The following NRG1 variants were observed in gnomAD, a reference collection of about 807,000 sequenced individuals.
NRG1 encodes the protein neuregulin 1.
Under a neutral mutation model 63.8 loss-of-function variants are expected in NRG1, and 18 were observed. That is an observed-to-expected ratio of 0.28 (90% CI 0.19 to 0.42). The LOEUF is 0.42. NRG1 is among the 10% of genes least tolerant of loss of function. NRG1 has a pLI of 1.00. For synonymous variants in NRG1, 302 were observed against 301.3 expected, an observed-to-expected ratio of 1.00 and a Z score of -0.02; for missense variants, 762 against 814.7, an observed-to-expected ratio of 0.94 and a Z score of 0.79.
At chr8:32,580,719 T>TA (rs1840482110) in intron 1 of NRG1, among the ~76,000 whole-genome samples, 4 of 152,180 alleles carry the variant, frequency 2.6e-5, no homozygotes, top group Non-Finnish European at 5.9e-5. Flanking sequence ...TATGTAGCTC[T>TA]GAAGTGGTAA....
At chr8:32,000,155 G>A (rs902402458) in intron 1 of NRG1, among the ~76,000 whole-genome samples, 3 of 151,972 alleles carry the variant, frequency 2.0e-5, no homozygotes, top group African/African-American at 7.2e-5. Context: ...ACACTTTATT[G>A]TGTAAACAGT....
At chr8:31,830,302 T>TTTCC (rs375861946) in intron 1 of NRG1, among the ~76,000 whole-genome samples, 4,189 of 122,458 alleles carry the variant, frequency 0.034, 227 homozygotes, top group African/African-American at 0.055. Flanking sequence ...GCTCTTCTTT[T>TTTCC]TTCCTTCCTT....
At chr8:32,491,068 T>A (rs137975509) in intron 1 of NRG1, among the ~76,000 whole-genome samples, 1,658 of 152,290 alleles carry the variant, frequency 0.011, 18 homozygotes, top group Non-Finnish European at 0.016. Context: ...TGTCACTGCT[T>A]AATTATTACG....
chr8:31,671,418 A>G (rs1024878616), intron 1 of NRG1, among the ~76,000 whole-genome samples: 2 of 152,138 alleles, frequency 1.3e-5, no homozygotes, highest in African/African-American at 2.4e-5. Context: ...AGTTGGGGAT[A>G]GCGGATTTTT....
intron 1 of NRG1, among the ~76,000 whole-genome samples, chr8:32,260,712 A>G (rs1054725588): frequency 2.6e-5 from 4 of 152,174 alleles, no homozygotes; most frequent in Non-Finnish European, 5.9e-5. Flanking sequence ...AGTACTGCGT[A>G]GAGTAGGATG....
rs368234020 is a variant in NRG1, at chr8:32,269,963, T to C, written c.38-325865T>C. 2.6e-5 allele frequency among the ~76,000 whole-genome samples: 4 copies of C among 152,302 alleles called. No individual in the cohort carries two copies. The East Asian group carries it at 5.8e-4, about 22-fold the overall frequency. On this transcript the variant is annotated intron_variant, in intron 1 of 10. Coordinates refer to the NRG1 transcript ENST00000519301. ...AGAGTGCTTGTGCTCTGTCCCCTCA[T>C]AAATGGTTAGTATTGAGGCCTTATA...
intron 1 of NRG1, among the ~76,000 whole-genome samples, chr8:32,231,409 ATAT>A (rs1312304648): frequency 6.6e-6 from 1 of 152,170 alleles, no homozygotes; most frequent in Non-Finnish European, 1.5e-5. Flanking sequence ...AGGGCATATT[ATAT>A]TATTATTCCG....
At chr8:32,008,285 A>G (rs974109945) in intron 1 of NRG1, among the ~76,000 whole-genome samples, 1 of 151,904 alleles carries the variant, frequency 6.6e-6, no homozygotes, top group African/African-American at 2.4e-5. Context: ...ACTTTCCCCC[A>G]CTGAATCTGA....
At chr8:32,384,928 A>G (rs1438846941) in intron 1 of NRG1, among the ~76,000 whole-genome samples, 1 of 152,224 alleles carries the variant, frequency 6.6e-6, no homozygotes, top group Non-Finnish European at 1.5e-5. Flanking sequence ...ACTGGAATTT[A>G]CTGATTCAAA....
intron 1 of NRG1, among the ~76,000 whole-genome samples, chr8:31,664,465 T>G (rs1806320343): frequency 6.6e-6 from 1 of 152,166 alleles, no homozygotes; most frequent in Non-Finnish European, 1.5e-5. Context: ...CAGAGCCAGA[T>G]GGAGGAATTG....
At chr8:31,980,837 G>A (rs1342060209) in intron 1 of NRG1, among the ~76,000 whole-genome samples, 1 of 151,790 alleles carries the variant, frequency 6.6e-6, no homozygotes, top group Non-Finnish European at 1.5e-5. Context: ...TTTTGCAGTG[G>A]TTTATTTTAT....
intron 1 of NRG1, among the ~76,000 whole-genome samples, chr8:32,539,154 T>C (rs914188405): frequency 2.0e-5 from 3 of 152,178 alleles, no homozygotes; most frequent in Admixed American, 1.3e-4. Context: ...AGAGATTGTT[T>C]ATGCAGCAAT....
Position 31,782,479 on chromosome 8 carries a change from A to G in NRG1, c.37+143048A>G, listed in dbSNP as rs116136435. 2.4e-3 allele frequency among the ~76,000 whole-genome samples: 371 copies of G among 152,296 alleles called. 1 individual carries two copies. The highest frequency in any genetic ancestry group is 8.6e-3 in the African/African-American group (358 of 41,574). The stretch of plus-strand genomic sequence containing the variant: ...TATTTATTATCTGTATTCTGTCTTT[A>G]GAATGAAGACAGAGGCTTTATTCCA... On this transcript the variant is annotated intron_variant, in intron 1 of 10. Transcript: ENST00000519301.
intron 1 of NRG1, among the ~76,000 whole-genome samples, chr8:32,476,286 G>A (rs1392691970): frequency 6.6e-6 from 1 of 152,168 alleles, no homozygotes; most frequent in African/African-American, 2.4e-5. Flanking sequence ...AGAGCAGCTG[G>A]TCATATATGA....
chr8:32,058,915 T>C (rs1823402616), intron 1 of NRG1, among the ~76,000 whole-genome samples: 1 of 152,070 alleles, frequency 6.6e-6, no homozygotes, highest in Admixed American at 6.6e-5. Context: ...ACTCTTTCTG[T>C]GTTTAGATTG....
intron 1 of NRG1, among the ~76,000 whole-genome samples, chr8:32,562,727 C>T (rs970295305): frequency 6.6e-6 from 1 of 152,046 alleles, no homozygotes; most frequent in Admixed American, 6.6e-5. Context: ...GTAGCTGTCT[C>T]TTGGGAGGAG....
At chr8:32,711,964 T>A (rs1035525312) in intron 5 of NRG1, among the ~76,000 whole-genome samples, 1 of 152,172 alleles carries the variant, frequency 6.6e-6, no homozygotes, top group Admixed American at 6.5e-5. Context: ...TTTTAACATT[T>A]CACACCCAGT....
At chr8:31,987,338 GTGTGTGTGTGTA>G (rs1255999588) in intron 1 of NRG1, among the ~76,000 whole-genome samples, 4 of 148,894 alleles carry the variant, frequency 2.7e-5, no homozygotes, top group Admixed American at 6.7e-5. Context: ...GTGTGTGTGT[GTGTGTGTGTGTA>G]TGTGTGTGAA....
In NRG1 at chr8:32,611,674, G is replaced by A. The variant is rs189310107; in HGVS notation, c.401-2840G>A. 1.6e-3 allele frequency among the ~76,000 whole-genome samples: 245 copies of A among 152,040 alleles called. 1 individual carries two copies. Among genetic ancestry groups the A allele is most frequent in the African/African-American group, 5.5e-3 (228 of 41,522 alleles). On this transcript the variant is annotated intron_variant, in intron 3 of 11. Coordinates refer to ENST00000356819, the Ensembl canonical transcript of NRG1. ...TGTTCCTTAAGTTATCTTTATAACT[G>A]CTAATAAATAAATATGTCCACTTTT...
Sources: gnomAD v4.1 joint callset for allele counts (sites outside exome capture counted in the v4.1 genomes callset) on GRCh38, gnomAD v4.1.1 for gene constraint, MANE v1.5 for transcripts, NCBI Gene and HGNC (gene_info 2026-07-23, HGNC 2026-07-21) for gene names.